Variants in NEK9 observed in about 807,000 individuals in gnomAD.
NEK9 encodes the protein NIMA related kinase 9.
In NEK9, 75 loss-of-function variants were observed where a neutral mutation model predicts 123.4. That is an observed-to-expected ratio of 0.61 (90% CI 0.50 to 0.74). The LOEUF is 0.74. Among genes scored for constraint, NEK9 ranks in the 30% least tolerant of loss-of-function variants. The probability of loss-of-function intolerance (pLI) is 0.00; values close to 1 mark genes in which losing one functional copy is unlikely to be tolerated. For missense variants in NEK9, 952 were observed against 1,214.4 expected, an observed-to-expected ratio of 0.78 and a Z score of 3.21; for synonymous variants, 438 against 458.7, an observed-to-expected ratio of 0.95 and a Z score of 0.58.
In NEK9 at chr14:75,101,796, A is replaced by G. The variant is rs78868109; in HGVS notation, c.1732-31T>C. 0.012 allele frequency: 18,009 copies of G among 1,492,168 alleles called. 244 individuals carry two copies. Among genetic ancestry groups the G allele is most frequent in the African/African-American group, 0.055 (4,005 of 72,312 alleles). 92.4% of individuals were successfully genotyped at this position (1,492,168 alleles called of 1,614,324 possible). Reference sequence around the variant, plus strand: ...ACAAAATAAAACACAAAGCAGATGCATGAGGTAAGAAAATCGAAGGAAAAT... The same window carrying G: ...ACAAAATAAAACACAAAGCAGATGCGTGAGGTAAGAAAATCGAAGGAAAAT... On this transcript the variant is annotated intron_variant, in intron 14 of 21. Coordinates refer to ENST00000238616, the MANE Select transcript of NEK9 (RefSeq NM_033116.6).
Position 75,087,002 on chromosome 14 carries a change from C to T in NEK9, c.2817+16G>A. The T allele has an allele frequency of 6.2e-7, 1 of 1,609,732 alleles. No homozygotes were observed. The highest frequency in any genetic ancestry group is 8.5e-7 in the Non-Finnish European group (1 of 1,176,048). ...AAACAGGCTTAGAAATTGGATTATT[C>T]TTTTAATGCTCTCACCTGCTGCCCT... is the stretch of plus-strand genomic sequence containing the variant. On this transcript the variant is annotated intron_variant, in intron 21 of 21. Coordinates refer to ENST00000238616, the MANE Select transcript of NEK9 (RefSeq NM_033116.6).
chr14:75,093,956 A>G (rs756968949), intron 18 of NEK9, among the ~76,000 whole-genome samples: 3 of 152,222 alleles, frequency 2.0e-5, no homozygotes, highest in Non-Finnish European at 4.4e-5. Flanking sequence ...TGATAAATAA[A>G]AAAGACAAAA....
At chr14:75,100,007 T>A (rs1213993112) in intron 16 of NEK9, among the ~76,000 whole-genome samples, 1 of 150,830 alleles carries the variant, frequency 6.6e-6, no homozygotes, top group Non-Finnish European at 1.5e-5. Flanking sequence ...TTTGTGCCTG[T>A]AGTTCCAGCT....
Position 75,100,983 on chromosome 14 carries a change from CAG to C in NEK9, c.2002+7_2002+8del. Reference sequence around the variant, plus strand: ...TCCAGAAAGCTTGAAATGATATGTACAGACTCACCATCAGTGGCAGCAATGGT... The same window carrying C: ...TCCAGAAAGCTTGAAATGATATGTACACTCACCATCAGTGGCAGCAATGGT... On this transcript the variant is annotated splice_region_variant and intron_variant, in intron 16 of 21. Coordinates refer to ENST00000238616, the MANE Select transcript of NEK9 (RefSeq NM_033116.6). The C allele has an allele frequency of 6.2e-7, 1 of 1,613,640 alleles. No individual in the cohort carries two copies. Among genetic ancestry groups the C allele is most frequent in the South Asian group, 1.1e-5 (1 of 91,030 alleles).
In NEK9 at chr14:75,080,641, TC is replaced by T. The variant is rs1187043740; in HGVS notation, c.*3922del. On this transcript the variant is annotated 3_prime_UTR_variant, in exon 22 of 22. Transcript: ENST00000238616. Reference sequence around the variant, plus strand: ...TATGCAGATGTGCCGAGACAGTATTTCTTTTTTTTTTTTTTTGAGACGGAGT... The same window carrying T: ...TATGCAGATGTGCCGAGACAGTATTTTTTTTTTTTTTTTTTGAGACGGAGT... 2.0e-5 allele frequency: 3 copies of T among 151,902 alleles called. No homozygotes were observed. The highest frequency in any genetic ancestry group is 1.9e-4 in the East Asian group (1 of 5,180). The allele number at this position is 151,902 out of a possible 1,614,324, so 9.4% of individuals were successfully genotyped here.
intron 18 of NEK9, among the ~76,000 whole-genome samples, chr14:75,093,168 C>T (rs1894274131): frequency 6.6e-6 from 1 of 152,170 alleles, no homozygotes; most frequent in African/African-American, 2.4e-5. Context: ...AAATTCAGTT[C>T]CTCAGTCACA....
chr14:75,100,353 G>A (rs1437962462), intron 16 of NEK9, among the ~76,000 whole-genome samples: 1 of 152,034 alleles, frequency 6.6e-6, no homozygotes, highest in Non-Finnish European at 1.5e-5. Flanking sequence ...GGCTGAGGCA[G>A]GAGAATCGCT....
intron 10 of NEK9, among the ~76,000 whole-genome samples, chr14:75,108,876 T>G (rs1243659538): frequency 1.3e-5 from 2 of 152,078 alleles, no homozygotes; most frequent in Non-Finnish European, 2.9e-5. Context: ...AAGATACTAA[T>G]TTCTCTCCAG....
In NEK9 at chr14:75,091,319, A is replaced by T; in HGVS notation, c.2393T>A (p.Met798Lys). The T allele has an allele frequency of 6.2e-7, 1 of 1,613,786 alleles. No homozygotes were observed. Among genetic ancestry groups the T allele is most frequent in the Non-Finnish European group, 8.5e-7 (1 of 1,179,894 alleles). The change falls in exon 19 of 22, where the codon ATG becomes AAG. Residue 798 changes from methionine (M) to lysine (K), a missense_variant. This residue lies in a region of NEK9 where 698 missense variants were observed against 875.6 expected (regional missense o/e 0.80). Coordinates refer to ENST00000238616, the MANE Select transcript of NEK9 (RefSeq NM_033116.6). ...MEGLISPTEA[M>K]GNSNGASSSC... ...GCTGCTGGCCCCATTACTGTTCCCC[A>T]TGGCCTCTGTGGGACTGATTAAACC...
At position 75,114,456 on chromosome 14, in the gene NEK9, T is replaced by A. The variant is rs535309505; in HGVS notation, c.763-143A>T. The A allele has an allele frequency of 4.2e-5, 27 of 647,324 alleles. No individual in the cohort carries two copies. The Admixed American group carries it at 4.5e-4, about 11-fold the overall frequency. 40.1% of individuals were successfully genotyped at this position (647,324 alleles called of 1,614,324 possible). ...TTCTTGTTATAACTACTAGTATGCA[T>A]CAAAAAAAAATGGTTAGGGATGCAC... On this transcript the variant is annotated intron_variant, in intron 6 of 21. Transcript: ENST00000238616.
chr14:75,109,552 A>G, intron 10 of NEK9, 133 bp downstream of exon 10: 2 of 757,826 alleles, frequency 2.6e-6, no homozygotes, highest in South Asian at 1.9e-5. Flanking sequence ...CTGCTCTTAT[A>G]AGAGCTTCCA....
At position 75,122,517 on chromosome 14, in the gene NEK9, C is replaced by CT. The variant is rs879703278; in HGVS notation, c.398-1344dup. ...GAAAGTAGGTACTGTTATCAACAAA[C>CT]TTTTTTTTTTTGAGATGGAGTCTCG... On this transcript the variant is annotated intron_variant, in intron 2 of 21. Coordinates refer to ENST00000238616, the MANE Select transcript of NEK9 (RefSeq NM_033116.6). Among the ~76,000 whole-genome samples, 638 of 148,358 alleles carry CT rather than the reference C, an allele frequency of 4.3e-3. 3 individuals carry two copies. The highest frequency in any genetic ancestry group is 0.014 in the African/African-American group (580 of 40,638).
intron 3 of NEK9, 83 bp downstream of exon 3, chr14:75,121,036 C>G (rs769537650): frequency 9.0e-7 from 1 of 1,111,526 alleles, no homozygotes; most frequent in Non-Finnish European, 1.4e-6. Context: ...ACACTCTTCA[C>G]TATTGGAAGA....
At chr14:75,116,478 T>C in intron 6 of NEK9, 1 of 362,270 alleles carries the variant, frequency 2.8e-6, no homozygotes, top group Admixed American at 3.0e-5. Context: ...TTCACTAGAT[T>C]TGCATTCTTT....
At chr14:75,120,433 G>T in intron 4 of NEK9, 77 bp downstream of exon 4, 1 of 923,274 alleles carries the variant, frequency 1.1e-6, no homozygotes, top group Non-Finnish European at 1.7e-6. Flanking sequence ...GAAAATAAAA[G>T]TGTTGTTGGG....
At chr14:75,102,777 T>A (rs186177782) in intron 14 of NEK9, among the ~76,000 whole-genome samples, 1 of 152,264 alleles carries the variant, frequency 6.6e-6, no homozygotes, top group East Asian at 1.9e-4. Context: ...TTTCATTGAG[T>A]CAGAAAACTT....
intron 21 of NEK9, chr14:75,085,010 G>A (rs1050857352): frequency 1.4e-5 from 4 of 276,446 alleles, no homozygotes; most frequent in Middle Eastern, 1.4e-3. Flanking sequence ...TACCTTGTGT[G>A]TGTGTGTGTT....
chr14:75,120,790 T>A (rs941257158), intron 3 of NEK9: 10 of 582,572 alleles, frequency 1.7e-5, no homozygotes, highest in Middle Eastern at 4.5e-4. Context: ...ATAGTTCCAA[T>A]GTCATTATAA....
intron 10 of NEK9, among the ~76,000 whole-genome samples, chr14:75,108,544 T>TGA (rs1566652780): frequency 7.1e-6 from 1 of 140,822 alleles, no homozygotes; most frequent in African/African-American, 2.6e-5. Context: ...TGTGTGTGTG[T>TGA]GACAGTATAT....
Sources: gnomAD v4.1 joint callset for allele counts (sites outside exome capture counted in the v4.1 genomes callset) on GRCh38, gnomAD v4.1.1 for gene constraint, gnomAD v4.1.1 regional missense constraint, MANE v1.5 for transcripts, NCBI Gene and HGNC (gene_info 2026-07-23, HGNC 2026-07-21) for gene names.